AGBL4: variants seen among roughly 807,000 people sequenced by gnomAD.
AGBL4 encodes the protein AGBL carboxypeptidase 4.
A neutral mutation model predicts 66.4 loss-of-function variants in AGBL4; 58 were observed. That is an observed-to-expected ratio of 0.87 (90% CI 0.71 to 1.09). The LOEUF (loss-of-function observed/expected upper bound fraction) is 1.09. Among genes scored for constraint, AGBL4 ranks in the 50% least tolerant of loss-of-function variants. The probability of loss-of-function intolerance (pLI) is 0.00; values close to 1 mark genes in which losing one functional copy is unlikely to be tolerated. For missense variants in AGBL4, 579 were observed against 631.0 expected (o/e 0.92, Z 0.88); for synonymous variants, 234 against 222.9 (o/e 1.05, Z -0.44).
At chr1:49,085,836 T>C in intron 4 of AGBL4, among the ~76,000 whole-genome samples, 1 of 152,104 alleles carries the variant, frequency 6.6e-6, no homozygotes, top group Middle Eastern at 3.2e-3. Context: ...ACCACACTTC[T>C]ATACTGAGGC....
At chr1:48,791,092 A>G (rs758828015) in intron 6 of AGBL4, among the ~76,000 whole-genome samples, 19 of 152,138 alleles carry the variant, frequency 1.2e-4, no homozygotes, top group Non-Finnish European at 2.4e-4. Context: ...AGTCTGTGGT[A>G]TTTTATTATA....
intron 3 of AGBL4, among the ~76,000 whole-genome samples, chr1:49,584,012 TCTCAGTA>T (rs1214781682): frequency 1.3e-5 from 2 of 152,198 alleles, no homozygotes; most frequent in Non-Finnish European, 2.9e-5. Flanking sequence ...TACTCCTTGT[TCTCAGTA>T]CTCTTGTTGC....
At chr1:48,791,598 G>C (rs1645551704) in intron 6 of AGBL4, among the ~76,000 whole-genome samples, 1 of 152,172 alleles carries the variant, frequency 6.6e-6, no homozygotes, top group South Asian at 2.1e-4. Context: ...AGAATGTAGT[G>C]GAGCAATCTG....
At chr1:48,987,892 T>C (rs1022287344) in intron 5 of AGBL4, among the ~76,000 whole-genome samples, 4 of 152,166 alleles carry the variant, frequency 2.6e-5, no homozygotes, top group African/African-American at 7.2e-5. Flanking sequence ...TGTGGTTCTA[T>C]GAAGACACCA....
chr1:49,415,094 T>C (rs930408507), intron 3 of AGBL4, among the ~76,000 whole-genome samples: 2 of 152,160 alleles, frequency 1.3e-5, no homozygotes, highest in African/African-American at 2.4e-5. Context: ...CCAGGTCTCT[T>C]AATTCCCAAT....
intron 6 of AGBL4, among the ~76,000 whole-genome samples, chr1:48,843,078 T>C (rs1465072646): frequency 6.6e-6 from 1 of 152,102 alleles, no homozygotes; most frequent in Admixed American, 6.5e-5. Context: ...TTTTGCAAGG[T>C]GAAAAATTCT....
At chr1:49,233,861 C>T (rs947349809) in intron 4 of AGBL4, among the ~76,000 whole-genome samples, 1 of 152,180 alleles carries the variant, frequency 6.6e-6, no homozygotes, top group Admixed American at 6.5e-5. Flanking sequence ...AGCTAAATGT[C>T]ATTTCACAAA....
rs977007406 is a variant in AGBL4 at position 48,761,268 on chromosome 1, A to C, written c.635-98027T>G. ...TACATGGGGAGAGGAAGCCAGACTG[A>C]AACTCTTTAGCTACGAGATATCTGA... On this transcript the variant is annotated intron_variant, in intron 6 of 13. Coordinates refer to ENST00000371839, the MANE Select transcript of AGBL4 (RefSeq NM_032785.4). 8 of 1,458,972 alleles carry C rather than the reference A, an allele frequency of 5.5e-6. No homozygotes were observed. The South Asian group carries it at 1.1e-4, about 20-fold the overall frequency. The allele number at this position is 1,458,972 out of a possible 1,614,324, so 90.4% of individuals were successfully genotyped here.
At chr1:49,264,552 T>G (rs1570273426) in intron 3 of AGBL4, among the ~76,000 whole-genome samples, 1 of 150,446 alleles carries the variant, frequency 6.6e-6, no homozygotes, top group African/African-American at 2.4e-5. Context: ...TCCCATAAGT[T>G]TTTTTTTTTT....
At chr1:49,253,037 G>A (rs1438294888) in intron 3 of AGBL4, among the ~76,000 whole-genome samples, 1 of 152,078 alleles carries the variant, frequency 6.6e-6, no homozygotes. Context: ...CATATGGCAG[G>A]ATCAAATCCA....
At chr1:49,283,075 G>GACAA (rs1174039332) in intron 3 of AGBL4, among the ~76,000 whole-genome samples, 1 of 152,228 alleles carries the variant, frequency 6.6e-6, no homozygotes, top group Non-Finnish European at 1.5e-5. Context: ...GCAGGGCACA[G>GACAA]ACAAACAAAA....
At chr1:48,888,835 G>A (rs1650631418) in intron 5 of AGBL4, among the ~76,000 whole-genome samples, 1 of 152,140 alleles carries the variant, frequency 6.6e-6, no homozygotes, top group East Asian at 1.9e-4. Context: ...GGTGCCTGGC[G>A]CATAGTAGGC....
chr1:48,624,479 C>T (rs1361084146), intron 9 of AGBL4, among the ~76,000 whole-genome samples: 3 of 152,190 alleles, frequency 2.0e-5, no homozygotes, highest in African/African-American at 4.8e-5. Context: ...AGGAGGCAGA[C>T]AGGAAAATGA....
intron 4 of AGBL4, among the ~76,000 whole-genome samples, chr1:49,105,165 C>T (rs1165121432): frequency 6.6e-6 from 1 of 152,136 alleles, no homozygotes; most frequent in African/African-American, 2.4e-5. Context: ...TTAATGTAAG[C>T]AAGTGCTGCC....
chr1:49,168,473 A>T (rs1174987140), intron 4 of AGBL4, among the ~76,000 whole-genome samples: 1 of 152,156 alleles, frequency 6.6e-6, no homozygotes. Flanking sequence ...CACCAACCAC[A>T]GTCTTGGAGG....
At chr1:48,772,065 A>G (rs1449024370) in intron 6 of AGBL4, among the ~76,000 whole-genome samples, 1 of 152,212 alleles carries the variant, frequency 6.6e-6, no homozygotes, top group Non-Finnish European at 1.5e-5. Flanking sequence ...CCCAAAGTTG[A>G]TGAGTTCAAC....
chr1:49,815,900 T>C (rs1444152452), intron 2 of AGBL4, among the ~76,000 whole-genome samples: 1 of 151,910 alleles, frequency 6.6e-6, no homozygotes, highest in Non-Finnish European at 1.5e-5. Flanking sequence ...CATTACCATC[T>C]TTTTTTTCAG....
intron 5 of AGBL4, among the ~76,000 whole-genome samples, chr1:48,877,508 T>G (rs955660101): frequency 7.2e-5 from 11 of 152,100 alleles, no homozygotes; most frequent in Non-Finnish European, 1.5e-4. Flanking sequence ...CTTTACATAT[T>G]TGATTATTTA....
At chr1:48,890,523 CT>C (rs1200427545) in intron 5 of AGBL4, among the ~76,000 whole-genome samples, 1 of 152,158 alleles carries the variant, frequency 6.6e-6, no homozygotes, top group South Asian at 2.1e-4. Flanking sequence ...TTTGTTTCCC[CT>C]AGGGGTTTCT....
Sources: allele counts gnomAD v4.1 joint callset (sites outside exome capture counted in the v4.1 genomes callset), GRCh38; gene constraint gnomAD v4.1.1; transcripts MANE v1.5; gene names NCBI Gene and HGNC (gene_info 2026-07-23, HGNC 2026-07-21).